ANGPT4: variants seen among roughly 807,000 people sequenced by gnomAD.
The protein encoded by ANGPT4 is angiopoietin-4.
In ANGPT4, 50 loss-of-function variants were observed where a neutral mutation model predicts 53.0. The ratio of observed to expected loss-of-function variants is 0.94; its 90% CI spans 0.75 to 1.20. ANGPT4 has a LOEUF of 1.20. Ranked by LOEUF, ANGPT4 falls within the 50% of genes most tolerant of loss-of-function variation. The pLI, the probability that ANGPT4 is intolerant of heterozygous loss-of-function variation, is 0.00. For missense variants in ANGPT4, 648 were observed against 637.1 expected (o/e 1.02, Z -0.18); for synonymous variants, 251 against 259.7 (o/e 0.97, Z 0.32).
intron 1 of ANGPT4, among the ~76,000 whole-genome samples, chr20:899,688 G>C (rs1397873709): frequency 6.6e-6 from 1 of 152,038 alleles, no homozygotes; most frequent in Non-Finnish European, 1.5e-5. Context: ...AAATTGTCTT[G>C]CCTATCCACC....
At chr20:901,801 G>GCTACTTGC (rs1241652287) in intron 1 of ANGPT4, among the ~76,000 whole-genome samples, 1 of 152,210 alleles carries the variant, frequency 6.6e-6, no homozygotes, top group Admixed American at 6.5e-5. Flanking sequence ...TCTAGTCTCA[G>GCTACTTGC]CTACTTGCGG....
At position 916,033 on chromosome 20, in the gene ANGPT4, A is replaced by T; in HGVS notation, c.182T>A (p.Val61Asp). ...KSEPCPPGPE[V>D]SRDSNTLQRE... ...CTGGAGGGTGTTGGAGTCCCTGGAG[A>T]CCTCAGGCCCCGGAGGGCAGGGCTC... Residue 61 changes from valine to aspartate, a missense_variant, in exon 1 of 9, where the codon GTC (valine) becomes GAC (aspartate). Physicochemically the swap from Val to Asp is radical, Grantham distance 152 (BLOSUM62 -3). Transcript: ENST00000381922. 1 of 1,614,048 alleles carries T rather than the reference A, an allele frequency of 6.2e-7. No individual in the cohort carries two copies.
intron 4 of ANGPT4, 49 bp from the exon 5 acceptor site, chr20:881,335 A>G: frequency 6.4e-7 from 1 of 1,557,736 alleles, no homozygotes; most frequent in South Asian, 1.1e-5. Context: ...AAGGAAAGAG[A>G]GAAGGGGCCA....
At chr20:897,251 C>T (rs1418821067) in intron 1 of ANGPT4, among the ~76,000 whole-genome samples, 1 of 152,198 alleles carries the variant, frequency 6.6e-6, no homozygotes, top group East Asian at 1.9e-4. Flanking sequence ...AGACCCGGGA[C>T]AGGAGGACTC....
At chr20:878,537 C>G (rs1268629499) in intron 6 of ANGPT4, among the ~76,000 whole-genome samples, 3 of 152,172 alleles carry the variant, frequency 2.0e-5, no homozygotes, top group African/African-American at 7.2e-5. Flanking sequence ...AGTGTAAAAG[C>G]CTGTTAAAAG....
Position 908,076 on chromosome 20 carries a change from C to A in ANGPT4, c.309+7830G>T, listed in dbSNP as rs770942329. ...GCCTTCTTGGTGGCTGAGGCTGATC[C>A]TGCAGATGGGGTGACAGGGATAAGA... is the stretch of plus-strand genomic sequence containing the variant. On this transcript the variant is annotated intron_variant, in intron 1 of 8. Transcript: ENST00000381922. The surrounding 1 kb of genome is among the most constrained non-coding windows in gnomAD (Gnocchi z 4.9). 1.3e-5 allele frequency among the ~76,000 whole-genome samples: 2 copies of A among 152,098 alleles called. No individual in the cohort carries two copies. Among genetic ancestry groups the A allele is most frequent in the African/African-American group, 2.4e-5 (1 of 41,416 alleles).
intron 5 of ANGPT4, among the ~76,000 whole-genome samples, chr20:880,566 C>A (rs370569387): frequency 6.6e-6 from 1 of 151,260 alleles, no homozygotes; most frequent in Admixed American, 6.6e-5. Flanking sequence ...CCAGCCTGGG[C>A]ACCAGAGCAA....
In ANGPT4 at chr20:878,311, G is replaced by T; in HGVS notation, c.1070C>A (p.Ala357Asp). ...KDYKQGFGDP[A>D]GEHWLGNEVV... is the part of the protein sequence containing the mutation. ...TTCATTGCCCAGCCAGTGCTCCCCAGCTGGGTCTCCGAAGCCCTATAGGGA... is the reference window on the plus strand; with the variant it reads ...TTCATTGCCCAGCCAGTGCTCCCCATCTGGGTCTCCGAAGCCCTATAGGGA... Residue 357 changes from alanine to aspartate, a missense_variant, in exon 7 of 9, where the codon GCT becomes GAT. By Grantham distance (126) the Ala-to-Asp change is moderately radical. Coordinates refer to ENST00000381922, the MANE Select transcript of ANGPT4 (RefSeq NM_015985.4). 3.1e-6 allele frequency: 5 copies of T among 1,606,406 alleles called. No individual in the cohort carries two copies. The highest frequency in any genetic ancestry group is 4.3e-6 in the Non-Finnish European group (5 of 1,173,722).
At chr20:901,483 C>T (rs557436582) in intron 1 of ANGPT4, among the ~76,000 whole-genome samples, 73 of 152,340 alleles carry the variant, frequency 4.8e-4, no homozygotes, top group Middle Eastern at 3.4e-3. Flanking sequence ...TGCCCCACCC[C>T]ATCTCCCTTT....
At position 891,803 on chromosome 20, in the gene ANGPT4, T is replaced by C. The variant is rs148777956; in HGVS notation, c.310-1435A>G. On this transcript the variant is annotated intron_variant, in intron 1 of 8. Coordinates refer to ENST00000381922, the MANE Select transcript of ANGPT4 (RefSeq NM_015985.4). ...GGGAGCAAGTTCCATTATCACATCC[T>C]GGAGCGGGTGCTTGTGGGCGGTAGT... Among the ~76,000 whole-genome samples, 286 of 152,352 alleles carry C rather than the reference T, an allele frequency of 1.9e-3. 2 individuals are homozygous for C. The highest frequency in any genetic ancestry group is 3.5e-3 in the Non-Finnish European group (236 of 68,038).
intron 1 of ANGPT4, among the ~76,000 whole-genome samples, chr20:910,094 G>T (rs1475869911): frequency 1.3e-5 from 2 of 152,172 alleles, no homozygotes; most frequent in South Asian, 2.1e-4. Flanking sequence ...CAGAAAACTG[G>T]CTTAAGTTCT....
intron 1 of ANGPT4, among the ~76,000 whole-genome samples, chr20:899,335 T>TGC (rs1982186488): frequency 6.6e-6 from 1 of 151,702 alleles, no homozygotes; most frequent in Admixed American, 6.6e-5. Context: ...GCAAGCTCCA[T>TGC]CTCCCAGGTT....
At chr20:885,386 G>A (rs566917313) in intron 3 of ANGPT4, 61 bp from the exon 4 acceptor site, 2 of 1,454,328 alleles carry the variant, frequency 1.4e-6, no homozygotes, top group South Asian at 2.9e-5. Flanking sequence ...GCACCCCCGC[G>A]CGCCTCCCCG....
At chr20:880,486 G>C (rs149223683) in intron 5 of ANGPT4, among the ~76,000 whole-genome samples, 12,912 of 152,016 alleles carry the variant, frequency 0.085, 578 homozygotes, top group Middle Eastern at 0.17. Flanking sequence ...TACTTGGGAG[G>C]CTGAGGCAGG....
intron 6 of ANGPT4, 54 bp downstream of exon 6, chr20:879,693 C>G: frequency 6.6e-7 from 1 of 1,513,594 alleles, no homozygotes; most frequent in South Asian, 1.2e-5. Flanking sequence ...AACAGCCCAG[C>G]CCCAGCCCCA....
At chr20:901,184 C>T (rs953650111) in intron 1 of ANGPT4, among the ~76,000 whole-genome samples, 1 of 152,206 alleles carries the variant, frequency 6.6e-6, no homozygotes, top group African/African-American at 2.4e-5. Flanking sequence ...CACTTCACCA[C>T]TATTTTGTTT....
intron 2 of ANGPT4, 63 bp from the exon 3 acceptor site, chr20:888,502 A>T: frequency 6.6e-7 from 1 of 1,510,914 alleles, no homozygotes; most frequent in Non-Finnish European, 8.8e-7. Flanking sequence ...CTGCCCAACC[A>T]CCCACCTGCC....
chr20:874,283 C>T lies in ANGPT4; in HGVS notation c.1351+1G>A, dbSNP rs371538515. On this transcript the variant is annotated splice_donor_variant, in intron 8 of 8. Coordinates refer to ENST00000381922, the MANE Select transcript of ANGPT4 (RefSeq NM_015985.4). LOFTEE classifies it high-confidence loss of function. ...GGAGCTTCACCCCACCCTGCACCTA[C>T]CTCCAGACATCACTTGGGCACACTT... 1 of 1,614,022 alleles carries T rather than the reference C, an allele frequency of 6.2e-7. No individual in the cohort carries two copies. Among genetic ancestry groups the T allele is most frequent in the Non-Finnish European group, 8.5e-7 (1 of 1,179,936 alleles).
rs561934690 is a variant in ANGPT4 at position 899,348 on chromosome 20, T to C, written c.310-8980A>G. ...CTGCAAGCTCCATCTCCCAGGTTCA[T>C]GCCATTCTCCTGCCTCAGCCTCCCG... On this transcript the variant is annotated intron_variant, in intron 1 of 8. Transcript: ENST00000381922. Among the ~76,000 whole-genome samples the C allele has an allele frequency of 2.0e-4, 30 of 151,968 alleles. No individual in the cohort carries two copies. The East Asian group carries it at 2.7e-3, about 14-fold the overall frequency.
Sources: allele counts gnomAD v4.1 joint callset (sites outside exome capture counted in the v4.1 genomes callset), GRCh38; gene constraint gnomAD v4.1.1; non-coding constraint Gnocchi (gnomAD v3.1); transcripts MANE v1.5; gene names NCBI Gene and HGNC (gene_info 2026-07-23, HGNC 2026-07-21).